IL31RA: variants seen among roughly 807,000 people sequenced by gnomAD.
IL31RA encodes the protein interleukin-31 receptor subunit alpha.
A neutral mutation model predicts 83.7 loss-of-function variants in IL31RA; 66 were observed. The ratio of observed to expected loss-of-function variants is 0.79; its 90% CI spans 0.65 to 0.97. IL31RA has a LOEUF of 0.97. IL31RA is among the 50% of genes least tolerant of loss of function. The probability of loss-of-function intolerance (pLI) is 0.00; values close to 1 mark genes in which losing one functional copy is unlikely to be tolerated. For missense variants in IL31RA, 798 were observed against 919.4 expected, an observed-to-expected ratio of 0.87 and a Z score of 1.71; for synonymous variants, 325 against 329.0, an observed-to-expected ratio of 0.99 and a Z score of 0.13.
intron 9 of IL31RA, 119 bp downstream of exon 9, chr5:55,906,407 C>A: frequency 1.1e-6 from 1 of 948,560 alleles, no homozygotes; most frequent in Non-Finnish European, 1.7e-6. Context: ...ATTTGTCAAG[C>A]TTGTGCAAGC....
chr5:55,851,667 C>G (rs1327426133), intron 1 of IL31RA, 34 bp downstream of exon 1: 1 of 1,613,724 alleles, frequency 6.2e-7, no homozygotes, highest in Admixed American at 1.7e-5. Flanking sequence ...CAAATAATTC[C>G]TAGCAAGTAG....
intron 6 of IL31RA, among the ~76,000 whole-genome samples, chr5:55,890,774 A>T (rs1028391808): frequency 3.3e-5 from 5 of 152,336 alleles, no homozygotes; most frequent in East Asian, 1.9e-4. Flanking sequence ...AATACAATTT[A>T]AAAAATCACA....
chr5:55,898,282 C>G (rs908182953), intron 7 of IL31RA, among the ~76,000 whole-genome samples: 6 of 152,158 alleles, frequency 3.9e-5, no homozygotes, highest in Admixed American at 2.0e-4. Flanking sequence ...CCGCCTCCTC[C>G]CCGTCGCCTG....
At chr5:55,864,085 G>A (rs1476310606) in intron 2 of IL31RA, among the ~76,000 whole-genome samples, 1 of 152,116 alleles carries the variant, frequency 6.6e-6, no homozygotes, top group African/African-American at 2.4e-5. Context: ...GCCGTAATGA[G>A]AATAATATAA....
chr5:55,884,586 C>T (rs575171975), intron 5 of IL31RA, among the ~76,000 whole-genome samples: 1 of 152,244 alleles, frequency 6.6e-6, no homozygotes, highest in South Asian at 2.1e-4. Flanking sequence ...AGGCATATGC[C>T]ACCATGCCTG....
Position 55,921,293 on chromosome 5 carries a change from A to T in IL31RA, c.*4173A>T, listed in dbSNP as rs1750079377. The stretch of plus-strand genomic sequence containing the variant: ...GTACACATTTTTCAGCTAATTGCAA[A>T]TCATACTGAATACATTATGTTCTCC... On this transcript the variant is annotated 3_prime_UTR_variant, in exon 15 of 15. Transcript: ENST00000652347. Among the ~76,000 whole-genome samples the T allele has an allele frequency of 6.6e-6, 1 of 152,238 alleles. No individual in the cohort carries two copies. The highest frequency in any genetic ancestry group is 2.4e-5 in the African/African-American group (1 of 41,474).
the IL31RA span, chr5:55,840,009 T>C: frequency 3.9e-6 from 2 of 512,962 alleles, no homozygotes; most frequent in South Asian, 2.0e-5. Context: ...CTCGCCACCT[T>C]TGGTGCCCAA....
At chr5:55,849,568 A>G (rs937597329), upstream of IL31RA, among the ~76,000 whole-genome samples, 1 of 152,142 alleles carries the variant, frequency 6.6e-6, no homozygotes, top group African/African-American at 2.4e-5. Context: ...TCCTTAACTT[A>G]CTGAGCCGAT....
chr5:55,892,438 G>A (rs1748062188), intron 6 of IL31RA, among the ~76,000 whole-genome samples: 1 of 152,136 alleles, frequency 6.6e-6, no homozygotes, highest in African/African-American at 2.4e-5. Flanking sequence ...TTATTCCTTT[G>A]GATCCTGGTT....
chr5:55,847,116 A>G (rs253692), upstream of IL31RA, among the ~76,000 whole-genome samples: 148,163 of 150,668 alleles, frequency 0.98, 72,861 homozygotes, highest in East Asian at 1. Context: ...GGTGGTGTGC[A>G]CCTGTAGTCC....
intron 2 of IL31RA, among the ~76,000 whole-genome samples, chr5:55,861,607 T>C (rs1251199634): frequency 6.6e-6 from 1 of 152,186 alleles, no homozygotes; most frequent in African/African-American, 2.4e-5. Flanking sequence ...TGTAGGGGAC[T>C]GCTGTGATAG....
intron 8 of IL31RA, among the ~76,000 whole-genome samples, chr5:55,904,861 C>G (rs1304382766): frequency 7.1e-6 from 1 of 140,218 alleles, no homozygotes; most frequent in African/African-American, 2.7e-5. Context: ...TTGCAGGACA[C>G]TTTTGTGCCT....
chr5:55,871,680 A>T lies in IL31RA; in HGVS notation c.273-590A>T, dbSNP rs139719175. 2.5e-3 allele frequency among the ~76,000 whole-genome samples: 378 copies of T among 152,208 alleles called. 4 individuals carry two copies. Among genetic ancestry groups the T allele is most frequent in the African/African-American group, 8.6e-3 (358 of 41,506 alleles). On this transcript the variant is annotated intron_variant, in intron 3 of 14. Transcript: ENST00000652347. Reference sequence around the variant, plus strand: ...GGGTAACAGCTTGAACATTTTGATGATCTCTCTAGATATCTCCACAAAGTT... The same window carrying T: ...GGGTAACAGCTTGAACATTTTGATGTTCTCTCTAGATATCTCCACAAAGTT...
At position 55,896,452 on chromosome 5, in the gene IL31RA, TTCTC is replaced by T. The variant is rs771701544; in HGVS notation, c.852+29_852+32del. The T allele has an allele frequency of 1.7e-5, 25 of 1,491,724 alleles. No individual in the cohort carries two copies. The Middle Eastern group carries it at 7.0e-4, about 41-fold the overall frequency. 92.4% of individuals were successfully genotyped at this position (1,491,724 alleles called of 1,614,324 possible). On this transcript the variant is annotated intron_variant, in intron 7 of 14. Coordinates refer to ENST00000652347, the MANE Select transcript of IL31RA (RefSeq NM_139017.7). ...AAGGTGACCTCCCTCTGGATTCTTT[TTCTC>T]TCTCTTTCTTCCCCTTCCCTCCTTT...
At chr5:55,908,616 T>G in intron 11 of IL31RA, 1 of 1,550,106 alleles carries the variant, frequency 6.5e-7, no homozygotes, top group Non-Finnish European at 8.7e-7. Flanking sequence ...GAAGTGACAG[T>G]ACCTGAGAGG....
intron 4 of IL31RA, among the ~76,000 whole-genome samples, chr5:55,881,819 A>G (rs993970020): frequency 7.1e-6 from 1 of 140,972 alleles, no homozygotes; most frequent in Non-Finnish European, 1.5e-5. Flanking sequence ...ACTGGGTTCA[A>G]GTGATTTTCC....
chr5:55,868,752 AT>A, intron 2 of IL31RA, 38 bp from the exon 3 acceptor site: 1 of 1,117,510 alleles, frequency 8.9e-7, no homozygotes. Context: ...GTGTACTGAA[AT>A]TTTTGTGTTT....
At chr5:55,877,098 C>T (rs1196744200) in intron 4 of IL31RA, among the ~76,000 whole-genome samples, 4 of 151,444 alleles carry the variant, frequency 2.6e-5, no homozygotes, top group Non-Finnish European at 4.4e-5. Flanking sequence ...TTTGTGGTGA[C>T]GTGTTTTGAT....
Position 55,879,425 on chromosome 5 carries a change from CTTTTTT to C in IL31RA, c.455-3599_455-3594del, listed in dbSNP as rs869152529. Among the ~76,000 whole-genome samples the C allele has an allele frequency of 1.0e-3, 47 of 45,802 alleles. No homozygotes were observed. The South Asian group carries it at 0.024, about 23-fold the overall frequency. The allele number at this position is 45,802 out of a possible 152,430, so 30.0% of individuals were successfully genotyped here. A position where few individuals can be genotyped will look rare whatever the true frequency, so the allele number is the denominator to read the frequency against. ...AAGTTTAGTTCAGCCAGTTTCTGTCCTTTTTTTTTTTTTTTTTTTTTTTTTGAGATG... is the reference window on the plus strand; with the variant it reads ...AAGTTTAGTTCAGCCAGTTTCTGTCCTTTTTTTTTTTTTTTTTTTGAGATG... On this transcript the variant is annotated intron_variant, in intron 4 of 14. Coordinates refer to ENST00000652347, the MANE Select transcript of IL31RA (RefSeq NM_139017.7).
Sources: allele counts gnomAD v4.1 joint callset (sites outside exome capture counted in the v4.1 genomes callset), GRCh38; gene constraint gnomAD v4.1.1; transcripts MANE v1.5; gene names NCBI Gene and HGNC (gene_info 2026-07-23, HGNC 2026-07-21).